The following RAD50 variants were observed in gnomAD, a reference collection of about 807,000 sequenced individuals.
RAD50 encodes the protein DNA repair protein RAD50.
In RAD50, 132 loss-of-function variants were observed where a neutral mutation model predicts 168.8. That is an observed-to-expected ratio of 0.78 (90% CI 0.68 to 0.90). The LOEUF (loss-of-function observed/expected upper bound fraction) is 0.90. Among genes scored for constraint, RAD50 ranks in the 40% least tolerant of loss-of-function variants. The pLI, the probability that RAD50 is intolerant of heterozygous loss-of-function variation, is 0.00. For synonymous variants in RAD50, 525 were observed against 497.4 expected (o/e 1.06, Z -0.74); for missense variants, 1,347 against 1,534.4 (o/e 0.88, Z 2.04).
At chr5:132,588,160 C>G in intron 7 of RAD50, 71 bp downstream of exon 7, 2 of 1,508,968 alleles carry the variant, frequency 1.3e-6, no homozygotes, top group Non-Finnish European at 1.8e-6. Flanking sequence ...AATGAAGAAT[C>G]TCCAAGGACT....
intron 21 of RAD50, among the ~76,000 whole-genome samples, chr5:132,619,839 T>TAAAG (rs1751249805): frequency 8.6e-6 from 1 of 116,294 alleles, no homozygotes; most frequent in East Asian, 2.9e-4. Flanking sequence ...TCTCTCTCTA[T>TAAAG]ATATATATAT....
In RAD50 at chr5:132,557,257, C is replaced by G. The variant is rs1033678132; in HGVS notation, c.-68C>G. 6.3e-7 allele frequency: 1 copy of G among 1,584,532 alleles called. No homozygotes were observed. The highest frequency in any genetic ancestry group is 1.3e-5 in the African/African-American group (1 of 74,330). On this transcript the variant is annotated 5_prime_UTR_variant, in exon 1 of 25. Coordinates refer to ENST00000378823, the MANE Select transcript of RAD50 (RefSeq NM_005732.4). Reference sequence around the variant, plus strand: ...CGCGGGTCTCACGTCCCGTGCACGCCTTGCTTCGGCCTCAGTTAAGCCTTT... The same window carrying G: ...CGCGGGTCTCACGTCCCGTGCACGCGTTGCTTCGGCCTCAGTTAAGCCTTT...
intron 19 of RAD50, among the ~76,000 whole-genome samples, chr5:132,614,563 A>C (rs964257093): frequency 5.3e-5 from 8 of 152,032 alleles, no homozygotes; most frequent in Admixed American, 5.2e-4. Flanking sequence ...TGGCATATCT[A>C]GTGTTTACAT....
In RAD50 at chr5:132,627,947, A is replaced by T. The variant is rs567074967; in HGVS notation, c.3390-9168A>T. On this transcript the variant is annotated intron_variant, in intron 21 of 24. Transcript: ENST00000378823. ...GGGATTTGTTCTGGAGAGAGAGTTG[A>T]CAGGCCTTGCTTCTGAATTGAGTGT... 1.1e-4 allele frequency among the ~76,000 whole-genome samples: 17 copies of T among 152,298 alleles called. No homozygotes were observed. The South Asian group carries it at 3.5e-3, about 32-fold the overall frequency.
intron 3 of RAD50, among the ~76,000 whole-genome samples, chr5:132,577,027 A>G (rs935556855): frequency 1.4e-4 from 22 of 152,226 alleles, no homozygotes; most frequent in African/African-American, 5.1e-4. Flanking sequence ...TGCTATAAAC[A>G]ATACAAATTT....
chr5:132,638,511 T>G (rs1294857825), intron 23 of RAD50, among the ~76,000 whole-genome samples: 1 of 152,234 alleles, frequency 6.6e-6, no homozygotes, highest in Non-Finnish European at 1.5e-5. Flanking sequence ...ATGGCACTCC[T>G]TATCAGAATA....
intron 19 of RAD50, among the ~76,000 whole-genome samples, chr5:132,610,869 AT>A (rs1661291258): frequency 6.6e-6 from 1 of 152,200 alleles, no homozygotes; most frequent in African/African-American, 2.4e-5. Flanking sequence ...TTTTAAAGTG[AT>A]GGTCTAAACT....
At chr5:132,600,613 A>G (rs1750871743) in intron 13 of RAD50, among the ~76,000 whole-genome samples, 1 of 152,178 alleles carries the variant, frequency 6.6e-6, no homozygotes, top group Non-Finnish European at 1.5e-5. Context: ...CATTTTGTCT[A>G]GTACTGACTC....
intron 19 of RAD50, among the ~76,000 whole-genome samples, chr5:132,613,006 G>A (rs1251264415): frequency 6.6e-6 from 1 of 151,932 alleles, no homozygotes; most frequent in Non-Finnish European, 1.5e-5. Context: ...AGGCAGTCTT[G>A]TAGAAGTGGT....
chr5:132,640,582 TC>T, intron 23 of RAD50, 89 bp from the exon 24 acceptor site: 1 of 1,574,402 alleles, frequency 6.4e-7, no homozygotes, highest in Admixed American at 1.7e-5. Context: ...TTCCCACTTT[TC>T]CCTGCTGAAA....
Position 132,589,614 on chromosome 5 carries a change from T to C in RAD50, c.1246-17T>C. ...TTTAGTAAATTATTAATGCTCATTC[T>C]TTACATATGCATTTAGAATGACTTT... On this transcript the variant is annotated splice_polypyrimidine_tract_variant and intron_variant, in intron 8 of 24. Coordinates refer to ENST00000378823, the MANE Select transcript of RAD50 (RefSeq NM_005732.4). The C allele has an allele frequency of 1.3e-6, 2 of 1,530,064 alleles. No individual in the cohort carries two copies. The highest frequency in any genetic ancestry group is 1.8e-6 in the Non-Finnish European group (2 of 1,126,738). The allele number at this position is 1,530,064 out of a possible 1,614,324, so 94.8% of individuals were successfully genotyped here. A position where few individuals can be genotyped will look rare whatever the true frequency, so the allele number is the denominator to read the frequency against.
chr5:132,559,039 G>T (rs1249941913), intron 1 of RAD50, among the ~76,000 whole-genome samples: 1 of 152,170 alleles, frequency 6.6e-6, no homozygotes, highest in Non-Finnish European at 1.5e-5. Context: ...AAGGGTTTCA[G>T]TTGAAAATAA....
chr5:132,605,345 A>T (rs1750966307), intron 16 of RAD50, among the ~76,000 whole-genome samples: 1 of 151,968 alleles, frequency 6.6e-6, no homozygotes, highest in South Asian at 2.1e-4. Flanking sequence ...GCCCCGCCCC[A>T]TTCTTCTCTT....
chr5:132,606,763 T>C (rs1750992911), intron 16 of RAD50, among the ~76,000 whole-genome samples: 1 of 152,186 alleles, frequency 6.6e-6, no homozygotes, highest in Non-Finnish European at 1.5e-5. Context: ...TCAAAAAGCT[T>C]ATCCACCACG....
chr5:132,559,914 G>GA (rs995082731), intron 2 of RAD50, among the ~76,000 whole-genome samples: 2 of 151,684 alleles, frequency 1.3e-5, no homozygotes, highest in Non-Finnish European at 2.9e-5. Context: ...CCACTGTCTA[G>GA]AAAAAAAAGT....
rs1357030268 is a variant in RAD50, at chr5:132,645,313, C to CATT, written c.*2952_*2954dup. On this transcript the variant is annotated 3_prime_UTR_variant, in exon 25 of 25. Coordinates refer to ENST00000378823, the MANE Select transcript of RAD50 (RefSeq NM_005732.4). ...ATTCAACTTAAATTCCATGGCTCAT[C>CATT]ATTATGTCACCCTCCACTGCATTGT... is the stretch of plus-strand genomic sequence containing the variant. The CATT allele has an allele frequency of 6.6e-6, 1 of 152,244 alleles. No individual in the cohort carries two copies. The highest frequency in any genetic ancestry group is 1.9e-4 in the East Asian group (1 of 5,198). 9.4% of individuals were successfully genotyped at this position (152,244 alleles called of 1,614,324 possible).
At chr5:132,618,039 G>T (rs760154233) in intron 20 of RAD50, 31 bp from the exon 21 acceptor site, 4 of 1,570,476 alleles carry the variant, frequency 2.5e-6, no homozygotes, top group African/African-American at 1.4e-5. Flanking sequence ...GCTAAAAAAT[G>T]GTCCTCATTT....
rs142508213 is a variant in RAD50 at position 132,587,178 on chromosome 5, T to C, written c.757-384T>C. ...TGCCTATAGGCTCAGAATGCATTGG[T>C]AACTCACCATGAATTTCTAGCCTTC... On this transcript the variant is annotated intron_variant, in intron 5 of 24. Coordinates refer to ENST00000378823, the MANE Select transcript of RAD50 (RefSeq NM_005732.4). Among the ~76,000 whole-genome samples, 252 of 152,316 alleles carry C rather than the reference T, an allele frequency of 1.7e-3. 2 individuals carry two copies. Among genetic ancestry groups the C allele is most frequent in the African/African-American group, 5.9e-3 (247 of 41,582 alleles).
intron 21 of RAD50, among the ~76,000 whole-genome samples, chr5:132,619,838 A>ACTCCTCTCTCTGTCTCTCTCTC (rs1751249650): frequency 1.1e-4 from 13 of 116,438 alleles, no homozygotes; most frequent in African/African-American, 4.9e-4. Context: ...CTCTCTCTCT[A>ACTCCTCTCTCTGTCTCTCTCTC]TATATATATA....
Sources: allele counts gnomAD v4.1 joint callset (sites outside exome capture counted in the v4.1 genomes callset), GRCh38; gene constraint gnomAD v4.1.1; transcripts MANE v1.5; gene names NCBI Gene and HGNC (gene_info 2026-07-23, HGNC 2026-07-21).